Variants in TRHDE observed in about 807,000 individuals in gnomAD.
TRHDE encodes the protein thyrotropin-releasing hormone-degrading ectoenzyme.
In TRHDE, 72 loss-of-function variants were observed where a neutral mutation model predicts 125.7. The observed-to-expected ratio is 0.57, with a 90% confidence interval of 0.47 to 0.70. The LOEUF is 0.70. TRHDE is among the 30% of genes least tolerant of loss of function. The pLI, the probability that TRHDE is intolerant of heterozygous loss-of-function variation, is 0.00. For synonymous variants in TRHDE, 509 were observed against 509.1 expected (o/e 1.00, Z 0.00); for missense variants, 1,110 against 1,327.1 (o/e 0.84, Z 2.54).
chr12:72,294,213 C>T (rs376928325), intron 2 of TRHDE, among the ~76,000 whole-genome samples: 19 of 152,258 alleles, frequency 1.2e-4, no homozygotes, highest in South Asian at 4.1e-4. Flanking sequence ...CCTGTTTGTG[C>T]GACAGTTCTT....
chr12:72,319,718 A>G lies in TRHDE; in HGVS notation c.1188+32764A>G, dbSNP rs118151898. On this transcript the variant is annotated intron_variant, in intron 2 of 18. Coordinates refer to ENST00000261180, the MANE Select transcript of TRHDE (RefSeq NM_013381.3). ...ATTTGGCATTATGCTGGCAGCTTGC[A>G]CTGAGAGATAATAAGAACCATTGTT... Among the ~76,000 whole-genome samples, 670 of 152,296 alleles carry G rather than the reference A, an allele frequency of 4.4e-3. 7 individuals are homozygous for G. The highest frequency in any genetic ancestry group is 4.4e-3 in the Non-Finnish European group (299 of 68,024).
At chr12:72,373,573 T>G (rs528674995) in intron 2 of TRHDE, among the ~76,000 whole-genome samples, 1 of 152,264 alleles carries the variant, frequency 6.6e-6, no homozygotes, top group African/African-American at 2.4e-5. Context: ...TAAATAAAAC[T>G]TATATTTTGC....
At chr12:72,629,083 A>C (rs1873372558) in intron 15 of TRHDE, among the ~76,000 whole-genome samples, 1 of 151,812 alleles carries the variant, frequency 6.6e-6, no homozygotes. Flanking sequence ...ATATAACTCC[A>C]GTGAGTGCAT....
chr12:72,503,442 A>G (rs113518378), intron 6 of TRHDE, among the ~76,000 whole-genome samples: 41 of 152,324 alleles, frequency 2.7e-4, no homozygotes, highest in African/African-American at 9.6e-4. Context: ...TGCTGAGTAG[A>G]AGAGATATAA....
At chr12:72,613,398 A>G (rs904960815) in intron 12 of TRHDE, among the ~76,000 whole-genome samples, 13 of 152,168 alleles carry the variant, frequency 8.5e-5, no homozygotes, top group African/African-American at 3.1e-4. Flanking sequence ...TCATTCTGCT[A>G]TTTTTTAACC....
intron 2 of TRHDE, among the ~76,000 whole-genome samples, chr12:72,267,291 C>G (rs777051367): frequency 6.6e-6 from 1 of 151,946 alleles, no homozygotes; most frequent in Non-Finnish European, 1.5e-5. Context: ...CTAGAGTGAA[C>G]GCTAAAAAGT....
intron 2 of TRHDE, among the ~76,000 whole-genome samples, chr12:72,289,256 A>C (rs1308168953): frequency 6.6e-6 from 1 of 152,184 alleles, no homozygotes; most frequent in African/African-American, 2.4e-5. Flanking sequence ...TAGCATGTAA[A>C]TAATATACAG....
chr12:72,280,365 A>G (rs1471360399), intron 1 of TRHDE, among the ~76,000 whole-genome samples: 5 of 152,314 alleles, frequency 3.3e-5, no homozygotes, highest in South Asian at 4.1e-4. Flanking sequence ...GAGATCTGCT[A>G]CTTGGGCTAG....
chr12:72,432,025 T>C (rs1352057993), intron 3 of TRHDE: 2 of 160,792 alleles, frequency 1.2e-5, no homozygotes, highest in African/African-American at 4.8e-5. Flanking sequence ...GCTTCCTAGG[T>C]TCTTTACCAT....
intron 2 of TRHDE, among the ~76,000 whole-genome samples, chr12:72,191,053 T>C (rs1329084612): frequency 2.0e-5 from 3 of 152,220 alleles, no homozygotes; most frequent in Admixed American, 2.0e-4. Context: ...TCTCCTATAG[T>C]ATTCTATACA....
intron 12 of TRHDE, among the ~76,000 whole-genome samples, chr12:72,600,019 T>C (rs1872143615): frequency 6.6e-6 from 1 of 152,146 alleles, no homozygotes; most frequent in Non-Finnish European, 1.5e-5. Context: ...CCATTGCTTA[T>C]TTTTGTCAAC....
chr12:72,454,541 G>A (rs897378384), intron 3 of TRHDE, among the ~76,000 whole-genome samples: 1 of 152,004 alleles, frequency 6.6e-6, no homozygotes, highest in East Asian at 1.9e-4. Context: ...TACTGAAAAA[G>A]CTTAATCTAT....
chr12:72,335,025 C>A (rs1407389252), intron 2 of TRHDE, among the ~76,000 whole-genome samples: 1 of 152,136 alleles, frequency 6.6e-6, no homozygotes, highest in African/African-American at 2.4e-5. Flanking sequence ...AGAGGGTAGG[C>A]AGGAGAGATG....
At chr12:72,301,678 T>A (rs184152987) in intron 2 of TRHDE, among the ~76,000 whole-genome samples, 32 of 151,882 alleles carry the variant, frequency 2.1e-4, no homozygotes, top group African/African-American at 7.3e-4. Context: ...GATCTTGTAA[T>A]GCAGTTGAGA....
intron 2 of TRHDE, among the ~76,000 whole-genome samples, chr12:72,365,017 C>T (rs932119099): frequency 6.6e-6 from 1 of 152,088 alleles, no homozygotes; most frequent in Non-Finnish European, 1.5e-5. Flanking sequence ...TTAAATGCTA[C>T]TGTTTTATCT....
chr12:72,645,000 G>A (rs1186599966), intron 15 of TRHDE, among the ~76,000 whole-genome samples: 1 of 152,154 alleles, frequency 6.6e-6, no homozygotes, highest in Non-Finnish European at 1.5e-5. Context: ...CTCTAGCTAG[G>A]CTATTGGGTG....
chr12:72,476,461 G>A lies in TRHDE; in HGVS notation c.1584+3281G>A, dbSNP rs564953588. Among the ~76,000 whole-genome samples, 5 of 152,306 alleles carry A rather than the reference G, an allele frequency of 3.3e-5. No individual in the cohort carries two copies. The South Asian group carries it at 1.0e-3, about 32-fold the overall frequency. The stretch of plus-strand genomic sequence containing the variant: ...TTTTCATAATGGCATCAGCAAAAGA[G>A]TGAAAGAAATACTCAAAAGGACAAG... On this transcript the variant is annotated intron_variant, in intron 5 of 18. Transcript: ENST00000261180.
intron 2 of TRHDE, among the ~76,000 whole-genome samples, chr12:72,372,465 A>G (rs575768908): frequency 5.6e-4 from 86 of 152,296 alleles, no homozygotes; most frequent in East Asian, 2.1e-3. Flanking sequence ...GTCTTTGCCC[A>G]TGCCTATGTC....
chr12:72,577,789 T>C (rs1045123718), intron 12 of TRHDE, among the ~76,000 whole-genome samples: 11 of 152,178 alleles, frequency 7.2e-5, no homozygotes, highest in African/African-American at 2.7e-4. Flanking sequence ...ATTCCAATTT[T>C]GCATGCTTTC....
Sources: allele counts gnomAD v4.1 joint callset (sites outside exome capture counted in the v4.1 genomes callset), GRCh38; gene constraint gnomAD v4.1.1; transcripts MANE v1.5; gene names NCBI Gene and HGNC (gene_info 2026-07-23, HGNC 2026-07-21).